The following SNX8 variants were observed in gnomAD, a reference collection of about 807,000 sequenced individuals.
SNX8 encodes the protein sorting nexin-8.
SNX8 carries 25 observed loss-of-function variants against 51.6 expected under a neutral mutation model. That is an observed-to-expected ratio of 0.48 (90% CI 0.35 to 0.68). The LOEUF is 0.68. Among genes scored for constraint, SNX8 ranks in the 30% least tolerant of loss-of-function variants. The pLI, the probability that SNX8 is intolerant of heterozygous loss-of-function variation, is 0.00. For synonymous variants in SNX8, 324 were observed against 277.0 expected, an observed-to-expected ratio of 1.17 and a Z score of -1.68; for missense variants, 695 against 624.0, an observed-to-expected ratio of 1.11 and a Z score of -1.21.
intron 1 of SNX8, among the ~76,000 whole-genome samples, chr7:2,302,408 A>G (rs1030511432): frequency 1.3e-5 from 2 of 152,222 alleles, no homozygotes; most frequent in East Asian, 1.9e-4. Context: ...TCAGTGCTCA[A>G]TGGTGCCCAG....
At chr7:2,257,974 A>G (rs1795233967) in intron 7 of SNX8, among the ~76,000 whole-genome samples, 171 bp from the exon 8 acceptor site, 1 of 142,980 alleles carries the variant, frequency 7.0e-6, no homozygotes, top group Admixed American at 7.0e-5. Context: ...CAGCCCACCC[A>G]TTACCAGGCG....
chr7:2,288,684 G>A (rs952179555), intron 1 of SNX8, among the ~76,000 whole-genome samples: 1 of 152,192 alleles, frequency 6.6e-6, no homozygotes, highest in Non-Finnish European at 1.5e-5. Flanking sequence ...ACCACCCCAA[G>A]AGTAACCACT....
intron 1 of SNX8, among the ~76,000 whole-genome samples, chr7:2,323,619 G>A (rs1430673391): frequency 1.3e-5 from 2 of 152,154 alleles, no homozygotes; most frequent in Non-Finnish European, 2.9e-5. Flanking sequence ...TAAATGATAT[G>A]GCCCAGAAGT....
At chr7:2,331,055 A>G (rs905552631) in intron 1 of SNX8, among the ~76,000 whole-genome samples, 6 of 151,720 alleles carry the variant, frequency 4.0e-5, no homozygotes, top group Non-Finnish European at 7.4e-5. Flanking sequence ...GCATGGTGGC[A>G]GGCACCTGTA....
intron 1 of SNX8, among the ~76,000 whole-genome samples, chr7:2,313,550 G>T (rs1454477186): frequency 8.7e-5 from 13 of 149,416 alleles, no homozygotes; most frequent in Admixed American, 3.3e-4. Flanking sequence ...GAAAAGAAAA[G>T]AAAAAGAAAA....
intron 1 of SNX8, among the ~76,000 whole-genome samples, chr7:2,295,312 G>A (rs564438018): frequency 1.6e-4 from 24 of 150,102 alleles, no homozygotes; most frequent in African/African-American, 4.9e-4. Flanking sequence ...TCTGAGGCTC[G>A]AGAACTGCTT....
intron 7 of SNX8, among the ~76,000 whole-genome samples, chr7:2,259,089 A>G (rs1562421244): frequency 6.6e-6 from 1 of 152,186 alleles, no homozygotes; most frequent in Non-Finnish European, 1.5e-5. Flanking sequence ...CGGTATGAAG[A>G]GTCGGTCCAA....
At chr7:2,255,398 C>T (rs1463958359) in intron 10 of SNX8, among the ~76,000 whole-genome samples, 2 of 152,206 alleles carry the variant, frequency 1.3e-5, no homozygotes, top group African/African-American at 4.8e-5. Flanking sequence ...ACGCTTCGAT[C>T]CCTGCACCCA....
intron 1 of SNX8, among the ~76,000 whole-genome samples, chr7:2,280,871 C>A (rs1386840377): frequency 6.7e-6 from 1 of 150,314 alleles, no homozygotes; most frequent in Non-Finnish European, 1.5e-5. Flanking sequence ...TGGCTCACTG[C>A]AACCTCCACC....
intron 1 of SNX8, among the ~76,000 whole-genome samples, chr7:2,324,838 C>T (rs1778596138): frequency 6.6e-6 from 1 of 152,080 alleles, no homozygotes; most frequent in South Asian, 2.1e-4. Context: ...CAGGGTCTTG[C>T]TATCACACCC....
intron 1 of SNX8, among the ~76,000 whole-genome samples, chr7:2,283,389 A>C (rs1475514064): frequency 3.3e-5 from 5 of 151,736 alleles, no homozygotes; most frequent in African/African-American, 1.2e-4. Flanking sequence ...ACTCACACAC[A>C]CCCCCAGCTC....
intron 1 of SNX8, among the ~76,000 whole-genome samples, chr7:2,353,191 C>G (rs952180719): frequency 1.3e-5 from 2 of 152,008 alleles, no homozygotes; most frequent in Non-Finnish European, 2.9e-5. Context: ...TGGCAATGTA[C>G]TTAATGTCAC....
intron 1 of SNX8, among the ~76,000 whole-genome samples, chr7:2,327,752 C>T (rs1175776645): frequency 6.6e-6 from 1 of 151,818 alleles, no homozygotes; most frequent in Non-Finnish European, 1.5e-5. Context: ...CCGTGTTAGC[C>T]AGGATGGTCT....
chr7:2,309,820 A>T, intron 1 of SNX8: 1 of 471,134 alleles, frequency 2.1e-6, no homozygotes, highest in Non-Finnish European at 4.4e-6. Flanking sequence ...ATGAGCGAGC[A>T]GCTGCAGGTA....
chr7:2,334,306 G>A (rs996198490), intron 1 of SNX8, among the ~76,000 whole-genome samples: 1 of 152,120 alleles, frequency 6.6e-6, no homozygotes, highest in East Asian at 1.9e-4. Context: ...GGCAGGCTGA[G>A]GCAGGAGAAT....
chr7:2,325,512 C>G (rs979086332), intron 1 of SNX8, among the ~76,000 whole-genome samples: 31 of 152,068 alleles, frequency 2.0e-4, no homozygotes, highest in Non-Finnish European at 8.8e-5. Flanking sequence ...AAAGGTGCTG[C>G]TGATGAGGGC....
At chr7:2,257,283 G>A in intron 9 of SNX8, 82 bp downstream of exon 9, 1 of 1,477,688 alleles carries the variant, frequency 6.8e-7, no homozygotes, top group African/African-American at 1.4e-5. Flanking sequence ...ACCCAGGGGA[G>A]CCCACCAGGA....
chr7:2,286,462 T>C (rs986803432), intron 1 of SNX8, among the ~76,000 whole-genome samples: 2 of 152,166 alleles, frequency 1.3e-5, no homozygotes, highest in African/African-American at 4.8e-5. Flanking sequence ...TCTATATTCA[T>C]TTTTGCATAT....
chr7:2,314,591 G>T (rs115748986), upstream of SNX8: 2,935 of 564,524 alleles, frequency 5.2e-3, 63 homozygotes, highest in African/African-American at 0.052. Flanking sequence ...GCCTCGCCAC[G>T]CCTACAACCC....
Sources: allele counts gnomAD v4.1 joint callset (sites outside exome capture counted in the v4.1 genomes callset), GRCh38; gene constraint gnomAD v4.1.1; transcripts MANE v1.5; gene names NCBI Gene and HGNC (gene_info 2026-07-23, HGNC 2026-07-21).